Variants in MINAR1 observed in about 807,000 individuals in gnomAD.
MINAR1 encodes the protein major intrinsically disordered Notch2-binding receptor 1.
A neutral mutation model predicts 65.1 loss-of-function variants in MINAR1; 40 were observed. The observed-to-expected ratio is 0.61, with a 90% CI of 0.48 to 0.80. MINAR1 has a LOEUF of 0.80. Among genes scored for constraint, MINAR1 ranks in the 30% least tolerant of loss-of-function variants. MINAR1 has a pLI of 0.00. For missense variants in MINAR1, 1,128 were observed against 1,148.0 expected, an observed-to-expected ratio of 0.98 and a Z score of 0.25; for synonymous variants, 482 against 449.1, an observed-to-expected ratio of 1.07 and a Z score of -0.93.
At chr15:79,465,709 AG>A (rs926964102) in intron 3 of MINAR1, among the ~76,000 whole-genome samples, 3 of 152,020 alleles carry the variant, frequency 2.0e-5, no homozygotes, top group Admixed American at 2.0e-4. Flanking sequence ...GAAGAAGAGC[AG>A]GTTGTTCTAC....
intron 3 of MINAR1, among the ~76,000 whole-genome samples, chr15:79,466,298 G>A (rs1021088540): frequency 3.3e-5 from 5 of 152,152 alleles, no homozygotes; most frequent in Admixed American, 3.3e-4. Context: ...CGCATAGCAT[G>A]TTCTAGAACG....
At chr15:79,414,415 AC>A in the MINAR1 span, 1 of 152,218 alleles carries the variant, frequency 6.6e-6, no homozygotes, top group Non-Finnish European at 1.5e-5. Flanking sequence ...TTTTTGTGGA[AC>A]AAATGAATGA....
intron 1 of MINAR1, among the ~76,000 whole-genome samples, chr15:79,442,298 G>A (rs1894892772): frequency 6.6e-6 from 1 of 151,848 alleles, no homozygotes; most frequent in Admixed American, 6.5e-5. Flanking sequence ...TATTCCAGTA[G>A]TATTTTAACT....
At chr15:79,453,409 C>T (rs1183322590) in intron 1 of MINAR1, among the ~76,000 whole-genome samples, 3 of 146,274 alleles carry the variant, frequency 2.1e-5, no homozygotes, top group Non-Finnish European at 4.6e-5. Context: ...TATATAGTTA[C>T]TTCCTCTCTG....
At chr15:79,434,610 G>GTAA (rs1202920811) in intron 1 of MINAR1, among the ~76,000 whole-genome samples, 1 of 152,218 alleles carries the variant, frequency 6.6e-6, no homozygotes, top group African/African-American at 2.4e-5. Flanking sequence ...CAGCCAGGTG[G>GTAA]TAATATGCAT....
rs755081664 is a variant in MINAR1 at position 79,458,375 on chromosome 15, G to A, written c.2228G>A (p.Gly743Asp). The change falls in exon 2 of 4, where the codon GGC (glycine) becomes GAC (aspartate). Residue 743 changes from glycine (G) to aspartate (D), a missense_variant. Transcript: ENST00000305428. ...WRTITYTNRVGLNEEEIKDTG... is the reference protein window; with the variant it reads ...WRTITYTNRVDLNEEEIKDTG... ...ACCATCACTTATACCAACCGTGTGGGCCTCAATGAGGAGGAGATAAAAGAC... is the reference window on the plus strand; with the variant it reads ...ACCATCACTTATACCAACCGTGTGGACCTCAATGAGGAGGAGATAAAAGAC... 8 of 1,614,102 alleles carry A rather than the reference G, an allele frequency of 5.0e-6. No individual in the cohort carries two copies. The highest frequency in any genetic ancestry group is 1.3e-5 in the African/African-American group (1 of 74,928).
chr15:79,439,830 G>A (rs1894819763), intron 1 of MINAR1, among the ~76,000 whole-genome samples: 1 of 151,946 alleles, frequency 6.6e-6, no homozygotes, highest in African/African-American at 2.4e-5. Context: ...CAGCAGGTAC[G>A]GGAGAAGCCT....
chr15:79,467,306 A>G (rs932286492), intron 3 of MINAR1, among the ~76,000 whole-genome samples: 7 of 152,240 alleles, frequency 4.6e-5, no homozygotes, highest in African/African-American at 1.7e-4. Context: ...TGCATTTCAA[A>G]GACTTAAATG....
chr15:79,471,380 T>C lies in MINAR1; in HGVS notation c.*2996T>C, dbSNP rs971076262. ...ATCTTCTTTCATAATCATTTCATCT[T>C]CTAATCTGAATTTGTTTTGAACACA... On this transcript the variant is annotated 3_prime_UTR_variant, in exon 4 of 4. Transcript: ENST00000305428. The C allele has an allele frequency of 3.3e-5, 5 of 152,684 alleles. No homozygotes were observed. Among genetic ancestry groups the C allele is most frequent in the Admixed American group, 1.3e-4 (2 of 15,290 alleles). 9.5% of individuals were successfully genotyped at this position (152,684 alleles called of 1,614,324 possible). A position where few individuals can be genotyped will look rare whatever the true frequency, so the allele number is the denominator to read the frequency against.
the MINAR1 span, chr15:79,414,344 T>A: frequency 6.6e-6 from 1 of 152,208 alleles, no homozygotes; most frequent in African/African-American, 2.4e-5. Context: ...ACCTTCTACT[T>A]ACATGCATGT....
chr15:79,428,669 T>A (rs1402967555), upstream of MINAR1, among the ~76,000 whole-genome samples: 1 of 152,172 alleles, frequency 6.6e-6, no homozygotes, highest in Non-Finnish European at 1.5e-5. Context: ...CTTTTATAGA[T>A]GATAAAACTG....
chr15:79,412,124 A>C, the MINAR1 span: 1 of 150,456 alleles, frequency 6.6e-6, no homozygotes, highest in African/African-American at 2.4e-5. Context: ...TACCCAAAGC[A>C]GAAAGCTCCA....
At chr15:79,460,632 G>A (rs995773957) in intron 2 of MINAR1, among the ~76,000 whole-genome samples, 1 of 152,028 alleles carries the variant, frequency 6.6e-6, no homozygotes, top group Non-Finnish European at 1.5e-5. Flanking sequence ...CTCATCTCAT[G>A]GGCCACTGCT....
chr15:79,445,620 C>T (rs907159628), intron 1 of MINAR1, among the ~76,000 whole-genome samples: 44 of 147,846 alleles, frequency 3.0e-4, no homozygotes, highest in African/African-American at 1.1e-3. Context: ...ATGATCTTGG[C>T]TCACCGCAAC....
At position 79,471,121 on chromosome 15, in the gene MINAR1, T is replaced by A. The variant is rs1896062819; in HGVS notation, c.*2737T>A. The A allele has an allele frequency of 6.6e-6, 1 of 152,164 alleles. No homozygotes were observed. Among genetic ancestry groups the A allele is most frequent in the African/African-American group, 2.4e-5 (1 of 41,416 alleles). 9.4% of individuals were successfully genotyped at this position (152,164 alleles called of 1,614,324 possible). A position where few individuals can be genotyped will look rare whatever the true frequency, so the allele number is the denominator to read the frequency against. ...CTAATCTTTGCCCATCACCTCCTGT[T>A]GCAATGAGTTCCCGCAGGTGACATA... On this transcript the variant is annotated 3_prime_UTR_variant, in exon 4 of 4. Coordinates refer to ENST00000305428, the MANE Select transcript of MINAR1 (RefSeq NM_015206.3).
At chr15:79,434,601 A>G (rs1410897700) in intron 1 of MINAR1, among the ~76,000 whole-genome samples, 3 of 152,218 alleles carry the variant, frequency 2.0e-5, no homozygotes, top group Non-Finnish European at 4.4e-5. Flanking sequence ...TCTCTGCTCC[A>G]GCCAGGTGGT....
At position 79,456,855 on chromosome 15, in the gene MINAR1, C is replaced by T; in HGVS notation, c.708C>T (p.Ser236=). 1.9e-6 allele frequency: 3 copies of T among 1,614,164 alleles called. No individual in the cohort carries two copies. The highest frequency in any genetic ancestry group is 1.7e-6 in the Non-Finnish European group (2 of 1,180,034). Residue 236 remains serine, a synonymous_variant, in exon 2 of 4, where the codon AGC becomes AGT. Transcript: ENST00000305428. ...AGGACTCCCTGCCCATCAATCAGAG[C>T]ATCAAGGAGACCTTCATTTCCAATG... ...SDQDSLPINQ[S]IKETFISNEE...
intron 2 of MINAR1, among the ~76,000 whole-genome samples, chr15:79,459,305 T>G (rs1374391825): frequency 6.6e-6 from 1 of 152,166 alleles, no homozygotes; most frequent in African/African-American, 2.4e-5. Context: ...CTCTTTCACG[T>G]AAGCTCTGTG....
intron 1 of MINAR1, among the ~76,000 whole-genome samples, chr15:79,450,543 A>T (rs1895157811): frequency 6.6e-6 from 1 of 152,052 alleles, no homozygotes; most frequent in African/African-American, 2.4e-5. Context: ...ATTAAAAAAA[A>T]AAAAAAGCTG....
Sources: allele counts gnomAD v4.1 joint callset (sites outside exome capture counted in the v4.1 genomes callset), GRCh38; gene constraint gnomAD v4.1.1; transcripts MANE v1.5; gene names NCBI Gene and HGNC (gene_info 2026-07-23, HGNC 2026-07-21).